Variants in TEX11 observed in about 807,000 individuals in gnomAD.
TEX11 encodes testis-expressed protein 11.
Under a neutral mutation model 84.4 loss-of-function variants are expected in TEX11, and 7 were observed. The observed-to-expected ratio is 0.08, with a 90% CI of 0.05 to 0.16. TEX11 has a LOEUF of 0.16. TEX11 is among the 10% of genes least tolerant of loss of function. The pLI is 1.00. For synonymous variants in TEX11, 264 were observed against 222.8 expected (o/e 1.18, Z -1.64); for missense variants, 551 against 660.5 (o/e 0.83, Z 1.82).
At chrX:70,716,728 C>T (rs1404306054) in intron 13 of TEX11, among the ~76,000 whole-genome samples, 4 of 112,309 alleles carry the variant, frequency 3.6e-5, no homozygotes, top group Admixed American at 9.4e-5. Flanking sequence ...TTGTACTTTC[C>T]GGGTGAGGCC....
chrX:70,714,472 G>A (rs984504614), intron 13 of TEX11, among the ~76,000 whole-genome samples: 1 of 111,494 alleles, frequency 9.0e-6, no homozygotes, highest in East Asian at 2.8e-4. Context: ...GAATCTGGGT[G>A]CTCCTGTATT....
chrX:70,898,005 C>T (rs926154730), intron 2 of TEX11, among the ~76,000 whole-genome samples: 4 of 111,704 alleles, frequency 3.6e-5, no homozygotes, highest in African/African-American at 1.3e-4. Flanking sequence ...AAGGAAACTG[C>T]ACCCTTTCTG....
chrX:70,777,646 T>G, intron 9 of TEX11, among the ~76,000 whole-genome samples: 1 of 110,777 alleles, frequency 9.0e-6, no homozygotes, highest in Admixed American at 9.7e-5. Context: ...CAAAACTCCA[T>G]CTCAAAAAAT....
chrX:70,899,845 TAAA>T lies in TEX11; in HGVS notation c.37+7905_37+7907del, dbSNP rs746225121. On this transcript the variant is annotated intron_variant, in intron 2 of 29. Coordinates refer to ENST00000374333, the MANE Select transcript of TEX11 (RefSeq NM_031276.3). ...TGGGTGACAAAGAGAGGTCCTGTAT[TAAA>T]AAAAAAAAAAAAAAAAAAAAAAGGA... 1.3e-4 allele frequency among the ~76,000 whole-genome samples: 4 copies of T among 30,599 alleles called. No individual in the cohort carries two copies. In the Admixed American group the frequency reaches 1.6e-3, roughly 12 times the overall value. 26.6% of individuals were successfully genotyped at this position (30,599 alleles called of 115,157 possible).
intron 17 of TEX11, among the ~76,000 whole-genome samples, chrX:70,643,877 T>C (rs1181854890): frequency 9.2e-6 from 1 of 109,230 alleles, no homozygotes; most frequent in African/African-American, 3.3e-5. Flanking sequence ...ACTTCATGTC[T>C]AAAACACCAA....
At chrX:70,855,225 A>G (rs1462904659) in intron 5 of TEX11, among the ~76,000 whole-genome samples, 1 of 110,886 alleles carries the variant, frequency 9.0e-6, no homozygotes, top group Non-Finnish European at 1.9e-5. Flanking sequence ...ATCCTCATCC[A>G]TCATAATAGC....
At chrX:70,518,705 A>C in the TEX11 span, among the ~76,000 whole-genome samples, 3 of 111,404 alleles carry the variant, frequency 2.7e-5, no homozygotes, top group African/African-American at 9.8e-5. Flanking sequence ...GATCTGTCTA[A>C]TATTTACAGT....
At chrX:70,595,125 G>T (rs1281082491) in intron 24 of TEX11, among the ~76,000 whole-genome samples, 1 of 111,003 alleles carries the variant, frequency 9.0e-6, no homozygotes, top group Non-Finnish European at 1.9e-5. Context: ...CTTGTTGCCC[G>T]GGCTGGAGTG....
intron 9 of TEX11, among the ~76,000 whole-genome samples, chrX:70,806,186 G>A (rs1260841991): frequency 8.9e-6 from 1 of 112,243 alleles, no homozygotes; most frequent in African/African-American, 3.2e-5. Context: ...CAGGCGTGGT[G>A]GCTCACGCCT....
chrX:70,511,507 C>T, the TEX11 span, among the ~76,000 whole-genome samples: 1 of 110,540 alleles, frequency 9.0e-6, no homozygotes, highest in Admixed American at 9.6e-5. Flanking sequence ...GTAATCCCAG[C>T]ACTTTGGGAG....
intron 8 of TEX11, among the ~76,000 whole-genome samples, chrX:70,816,879 T>C (rs1301148030): frequency 1.3e-4 from 14 of 110,245 alleles, no homozygotes; most frequent in Non-Finnish European, 1.7e-4. Context: ...AAATGAAGAA[T>C]CAGAGAATGA....
intron 25 of TEX11, among the ~76,000 whole-genome samples, chrX:70,585,777 G>T (rs963797060): frequency 8.9e-6 from 1 of 112,688 alleles, no homozygotes; most frequent in Non-Finnish European, 1.9e-5. Flanking sequence ...TTCAGGCCGG[G>T]TGTGGTGGCT....
chrX:70,589,351 A>G (rs1443596854), intron 25 of TEX11, among the ~76,000 whole-genome samples: 1 of 109,953 alleles, frequency 9.1e-6, no homozygotes, highest in Non-Finnish European at 1.9e-5. Context: ...ATATGTATAT[A>G]GTCTAGCTGT....
chrX:70,614,312 A>G (rs1256002685), intron 20 of TEX11, among the ~76,000 whole-genome samples: 1 of 111,163 alleles, frequency 9.0e-6, no homozygotes, highest in Non-Finnish European at 1.9e-5. Flanking sequence ...AGGGGAGCCC[A>G]CTGCCCTGAA....
intron 9 of TEX11, among the ~76,000 whole-genome samples, chrX:70,766,335 C>G (rs1429141584): frequency 9.1e-6 from 1 of 109,833 alleles, no homozygotes; most frequent in Non-Finnish European, 1.9e-5. Context: ...TCACTTGAAC[C>G]CAGGTGGTAG....
intron 7 of TEX11, among the ~76,000 whole-genome samples, chrX:70,839,259 C>A (rs1227968535): frequency 9.0e-6 from 1 of 111,613 alleles, no homozygotes; most frequent in Non-Finnish European, 1.9e-5. Flanking sequence ...CGGACTGACA[C>A]CTCACACGGC....
chrX:70,597,119 GA>G (rs1449852138), intron 24 of TEX11, among the ~76,000 whole-genome samples: 1 of 112,166 alleles, frequency 8.9e-6, no homozygotes, highest in Non-Finnish European at 1.9e-5. Flanking sequence ...TTTATAATCT[GA>G]AAACCACAAA....
At chrX:70,620,135 T>C (rs937260868) in intron 20 of TEX11, among the ~76,000 whole-genome samples, 5 of 111,287 alleles carry the variant, frequency 4.5e-5, no homozygotes, top group Non-Finnish European at 7.5e-5. Context: ...TGTGCCAGTG[T>C]CTTTTAACCG....
chrX:70,809,514 G>T (rs2091239510), intron 8 of TEX11, among the ~76,000 whole-genome samples: 1 of 111,094 alleles, frequency 9.0e-6, no homozygotes, highest in South Asian at 3.8e-4. Flanking sequence ...TTCTAAAGTG[G>T]GAAGTCAATA....
Sources: gnomAD v4.1 joint callset for allele counts (sites outside exome capture counted in the v4.1 genomes callset) on GRCh38, gnomAD v4.1.1 for gene constraint, MANE v1.5 for transcripts, NCBI Gene and HGNC (gene_info 2026-07-23, HGNC 2026-07-21) for gene names.